The following GRM8 variants were observed in gnomAD, a reference collection of about 807,000 sequenced individuals.
GRM8 encodes glutamate metabotropic receptor 8.
Under a neutral mutation model 87.2 loss-of-function variants are expected in GRM8, and 47 were observed. That is an observed-to-expected ratio of 0.54 (90% CI 0.43 to 0.69). The LOEUF is 0.69. GRM8 is among the 30% of genes least tolerant of loss of function. The pLI, the probability that GRM8 is intolerant of heterozygous loss-of-function variation, is 0.00. For missense variants in GRM8, 1,019 were observed against 1,139.2 expected (o/e 0.89, Z 1.52); for synonymous variants, 396 against 404.5 (o/e 0.98, Z 0.25).
At chr7:126,569,019 C>T (rs987920141) in intron 8 of GRM8, among the ~76,000 whole-genome samples, 1 of 152,146 alleles carries the variant, frequency 6.6e-6, no homozygotes, top group Non-Finnish European at 1.5e-5. Flanking sequence ...TTGTCAATCA[C>T]CTGCTAAACA....
At chr7:126,837,869 C>T (rs1795945785) in intron 6 of GRM8, among the ~76,000 whole-genome samples, 1 of 152,218 alleles carries the variant, frequency 6.6e-6, no homozygotes, top group Non-Finnish European at 1.5e-5. Context: ...AACTATTGAG[C>T]ATCCAGTTCA....
chr7:126,813,627 G>A (rs746972898), intron 6 of GRM8, among the ~76,000 whole-genome samples: 49 of 152,174 alleles, frequency 3.2e-4, no homozygotes, highest in Middle Eastern at 6.8e-3. Context: ...CAACCCAACA[G>A]CATCTTGGAG....
At chr7:126,878,769 CA>C (rs1372613342) in intron 6 of GRM8, among the ~76,000 whole-genome samples, 1 of 151,982 alleles carries the variant, frequency 6.6e-6, no homozygotes, top group Non-Finnish European at 1.5e-5. Flanking sequence ...TCAAATTATC[CA>C]CCCATTTTGG....
At chr7:126,775,439 T>TCG (rs1403263571) in intron 6 of GRM8, among the ~76,000 whole-genome samples, 1 of 143,404 alleles carries the variant, frequency 7.0e-6, no homozygotes, top group Non-Finnish European at 1.5e-5. Flanking sequence ...AAGAACCACA[T>TCG]CACACACTAA....
At chr7:127,007,601 A>G (rs1462448311) in intron 3 of GRM8, among the ~76,000 whole-genome samples, 1 of 152,134 alleles carries the variant, frequency 6.6e-6, no homozygotes, top group African/African-American at 2.4e-5. Context: ...TTAATAAAAG[A>G]TAATAAATTT....
chr7:127,099,253 T>C (rs1824985524), intron 3 of GRM8, among the ~76,000 whole-genome samples: 1 of 152,202 alleles, frequency 6.6e-6, no homozygotes, highest in East Asian at 1.9e-4. Flanking sequence ...GTGGATCTAA[T>C]AGCTGAGTGT....
At chr7:126,567,889 G>A (rs1045625826) in intron 8 of GRM8, among the ~76,000 whole-genome samples, 1 of 152,114 alleles carries the variant, frequency 6.6e-6, no homozygotes, top group African/African-American at 2.4e-5. Context: ...CTAGTTTACA[G>A]TGGAGGATGT....
At chr7:126,842,241 G>A (rs1796339714) in intron 6 of GRM8, among the ~76,000 whole-genome samples, 1 of 152,168 alleles carries the variant, frequency 6.6e-6, no homozygotes, top group Admixed American at 6.5e-5. Context: ...ATGGTCCTGA[G>A]CAGAAGGATA....
chr7:126,493,899 A>G (rs1192222071), intron 9 of GRM8, among the ~76,000 whole-genome samples: 1 of 151,966 alleles, frequency 6.6e-6, no homozygotes, highest in Admixed American at 6.6e-5. Context: ...CAGCCCTGCC[A>G]AGTTTATGTT....
At chr7:126,993,063 A>C (rs935990436) in intron 3 of GRM8, among the ~76,000 whole-genome samples, 1 of 152,210 alleles carries the variant, frequency 6.6e-6, no homozygotes, top group Non-Finnish European at 1.5e-5. Context: ...AGAGATATAC[A>C]GTGCTCATGG....
chr7:127,218,137 C>T (rs1796687059), intron 2 of GRM8, among the ~76,000 whole-genome samples: 1 of 152,220 alleles, frequency 6.6e-6, no homozygotes, highest in African/African-American at 2.4e-5. Flanking sequence ...CTCTTAGCTT[C>T]GCTCTGTTCC....
At chr7:126,998,418 C>T (rs1406959371) in intron 3 of GRM8, among the ~76,000 whole-genome samples, 1 of 151,646 alleles carries the variant, frequency 6.6e-6, no homozygotes, top group African/African-American at 2.4e-5. Flanking sequence ...CTAGCTAGAG[C>T]TGTTTTCTGT....
At chr7:126,570,712 C>A (rs1262710922) in intron 8 of GRM8, among the ~76,000 whole-genome samples, 1 of 152,092 alleles carries the variant, frequency 6.6e-6, no homozygotes. Flanking sequence ...TTACCCCTAC[C>A]CATAGGAATT....
chr7:126,548,565 T>G (rs535525707), intron 8 of GRM8, among the ~76,000 whole-genome samples: 1 of 152,322 alleles, frequency 6.6e-6, no homozygotes, highest in East Asian at 1.9e-4. Context: ...AGCATCTATA[T>G]GCCCATGATA....
At chr7:127,087,483 T>A (rs756560515) in intron 3 of GRM8, among the ~76,000 whole-genome samples, 15 of 152,156 alleles carry the variant, frequency 9.9e-5, no homozygotes. Flanking sequence ...TTACGCTAAG[T>A]GAAATCAGCC....
chr7:126,921,125 A>G (rs1254851397), intron 3 of GRM8, among the ~76,000 whole-genome samples: 2 of 152,208 alleles, frequency 1.3e-5, no homozygotes, highest in Non-Finnish European at 2.9e-5. Context: ...AGAGGACAAG[A>G]AATAAGACAT....
intron 6 of GRM8, among the ~76,000 whole-genome samples, chr7:126,843,028 G>A (rs1474325568): frequency 1.3e-5 from 2 of 152,274 alleles, no homozygotes; most frequent in Admixed American, 6.5e-5. Flanking sequence ...GCAAACAATT[G>A]TTCAAACATG....
chr7:126,930,203 C>G (rs62468865), intron 3 of GRM8, among the ~76,000 whole-genome samples: 1,952 of 152,294 alleles, frequency 0.013, 14 homozygotes, highest in Non-Finnish European at 0.021. Flanking sequence ...AAACCCAGTT[C>G]CTATTTCCTG....
intron 3 of GRM8, among the ~76,000 whole-genome samples, chr7:127,087,157 A>G: frequency 6.6e-6 from 1 of 152,186 alleles, no homozygotes; most frequent in East Asian, 1.9e-4. Context: ...AAAGAGAAAA[A>G]GGAGCAGCAG....
Sources: gnomAD v4.1 joint callset for allele counts (sites outside exome capture counted in the v4.1 genomes callset) on GRCh38, gnomAD v4.1.1 for gene constraint, MANE v1.5 for transcripts, NCBI Gene and HGNC (gene_info 2026-07-23, HGNC 2026-07-21) for gene names.